The following SOX5 variants were observed in gnomAD, a reference collection of about 807,000 sequenced individuals.
SOX5 encodes SRY-box transcription factor 5, also known as transcription factor SOX-5.
Under a neutral mutation model 92.0 loss-of-function variants are expected in SOX5, and 9 were observed. That is an observed-to-expected ratio of 0.10 (90% confidence interval 0.06 to 0.17). The LOEUF is 0.17. SOX5 is among the 10% of genes least tolerant of loss of function. The probability of loss-of-function intolerance (pLI) is 1.00; values close to 1 mark genes in which losing one functional copy is unlikely to be tolerated. For missense variants in SOX5, 642 were observed against 944.5 expected, an observed-to-expected ratio of 0.68 and a Z score of 4.20; for synonymous variants, 344 against 336.3, an observed-to-expected ratio of 1.02 and a Z score of -0.25.
At chr12:23,704,994 A>C (rs956459868) in intron 6 of SOX5, among the ~76,000 whole-genome samples, 1 of 151,778 alleles carries the variant, frequency 6.6e-6, no homozygotes. Flanking sequence ...TTTTAGCTAC[A>C]TTTAATTTAC....
intron 1 of SOX5, among the ~76,000 whole-genome samples, chr12:24,399,627 A>C (rs1174477301): frequency 2.0e-5 from 3 of 152,234 alleles, no homozygotes; most frequent in Admixed American, 6.5e-5. Flanking sequence ...AGCTAAAAAA[A>C]CAATTGTTGA....
chr12:23,974,033 T>C lies in SOX5; in HGVS notation c.-1-78009A>G, dbSNP rs548186019. Among the ~76,000 whole-genome samples, 18 of 152,300 alleles carry C rather than the reference T, an allele frequency of 1.2e-4. No homozygotes were observed. The South Asian group carries it at 2.1e-3, about 18-fold the overall frequency. On this transcript the variant is annotated intron_variant, in intron 4 of 4. Transcript: ENST00000446891. ...CTGTTGCTGTATATGCTGTTTTTTT[T>C]CCTATACATATATACCTATGATAAA...
chr12:24,401,446 G>A (rs565894443), intron 1 of SOX5, among the ~76,000 whole-genome samples: 2 of 151,386 alleles, frequency 1.3e-5, no homozygotes, highest in South Asian at 2.1e-4. Flanking sequence ...TTGGTGGCTC[G>A]CACCTGTAAT....
At chr12:23,535,912 C>G (rs1388522854) in intron 14 of SOX5, among the ~76,000 whole-genome samples, 1 of 152,206 alleles carries the variant, frequency 6.6e-6, no homozygotes, top group African/African-American at 2.4e-5. Flanking sequence ...TGTAAAACAT[C>G]TCGGAGCTGC....
intron 9 of SOX5, among the ~76,000 whole-genome samples, chr12:23,596,075 C>T (rs1952380456): frequency 6.6e-6 from 1 of 152,190 alleles, no homozygotes; most frequent in Admixed American, 6.5e-5. Context: ...GGGCTTCCAA[C>T]TTAAGCTTAC....
chr12:24,525,302 G>A (rs1950601512), intron 1 of SOX5, among the ~76,000 whole-genome samples: 2 of 152,170 alleles, frequency 1.3e-5, no homozygotes, highest in Admixed American at 1.3e-4. Flanking sequence ...AATACTGCAT[G>A]AGTTCATGTA....
rs186425624 is a variant in SOX5, at chr12:23,776,021, A to C, written c.482-20297T>G. 2.2e-3 allele frequency among the ~76,000 whole-genome samples: 329 copies of C among 152,306 alleles called. 2 individuals are homozygous for C. The highest frequency in any genetic ancestry group is 3.4e-3 in the Non-Finnish European group (234 of 68,030). On this transcript the variant is annotated intron_variant, in intron 3 of 14. Coordinates refer to ENST00000451604, the MANE Select transcript of SOX5 (RefSeq NM_006940.6). ...CTTTACCTCAGATCACTAGGCATTA[A>C]TTAGACTCTCATAAGGAATTAAACT...
At chr12:23,653,061 T>C (rs2081869922) in intron 7 of SOX5, among the ~76,000 whole-genome samples, 1 of 151,550 alleles carries the variant, frequency 6.6e-6, no homozygotes, top group African/African-American at 2.4e-5. Context: ...GATGGATGGA[T>C]GGATGGATGG....
chr12:24,449,281 A>G (rs562655123), intron 1 of SOX5, among the ~76,000 whole-genome samples: 82 of 152,150 alleles, frequency 5.4e-4, no homozygotes, highest in African/African-American at 1.9e-3. Flanking sequence ...CAACTCTCCA[A>G]ACTCTTCTTA....
At chr12:24,435,249 A>G (rs1005191500) in intron 1 of SOX5, among the ~76,000 whole-genome samples, 13 of 152,362 alleles carry the variant, frequency 8.5e-5, no homozygotes, top group Admixed American at 2.6e-4. Context: ...GCATGAAGCT[A>G]GTAGAAAGGT....
intron 2 of SOX5, among the ~76,000 whole-genome samples, chr12:23,849,334 A>G (rs777780320): frequency 6.6e-6 from 1 of 152,214 alleles, no homozygotes; most frequent in Admixed American, 6.5e-5. Context: ...ATGATAGCAA[A>G]TATTTATTGA....
chr12:24,380,885 C>T (rs1412975189), intron 1 of SOX5, among the ~76,000 whole-genome samples: 2 of 152,180 alleles, frequency 1.3e-5, no homozygotes, highest in African/African-American at 4.8e-5. Flanking sequence ...TAACTGTATT[C>T]TGCAACAGTC....
intron 3 of SOX5, among the ~76,000 whole-genome samples, chr12:23,841,492 C>T (rs1237703843): frequency 2.0e-5 from 3 of 152,036 alleles, no homozygotes; most frequent in Non-Finnish European, 4.4e-5. Flanking sequence ...AAAAGCTGCA[C>T]ATGAGTATTA....
intron 1 of SOX5, among the ~76,000 whole-genome samples, chr12:23,898,143 A>G (rs2097196033): frequency 6.6e-6 from 1 of 152,204 alleles, no homozygotes; most frequent in Non-Finnish European, 1.5e-5. Flanking sequence ...TCATGTAAAG[A>G]GTTTGTGGAC....
At chr12:23,831,632 A>T (rs2096323624) in intron 3 of SOX5, among the ~76,000 whole-genome samples, 1 of 151,994 alleles carries the variant, frequency 6.6e-6, no homozygotes, top group Admixed American at 6.6e-5. Context: ...TAAAGTCCAT[A>T]CTAAAGGCAA....
At chr12:23,936,667 A>G (rs1942629281) in intron 1 of SOX5, among the ~76,000 whole-genome samples, 1 of 150,936 alleles carries the variant, frequency 6.6e-6, no homozygotes, top group African/African-American at 2.4e-5. Context: ...ACCATCCAAT[A>G]GAAATATGAG....
chr12:24,097,537 G>GTTT (rs34336040), intron 4 of SOX5, among the ~76,000 whole-genome samples: 1 of 146,696 alleles, frequency 6.8e-6, no homozygotes, highest in African/African-American at 2.5e-5. Context: ...TCCATTTGAA[G>GTTT]TTTTTTTTTT....
At chr12:23,665,656 T>C (rs1483484938) in intron 6 of SOX5, 92 bp from the exon 7 acceptor site, 10 of 1,421,088 alleles carry the variant, frequency 7.0e-6, no homozygotes, top group Non-Finnish European at 9.5e-6. Context: ...AAGAAAATCA[T>C]TTATTCAATT....
intron 1 of SOX5, among the ~76,000 whole-genome samples, chr12:23,930,004 C>G (rs1301063949): frequency 6.6e-6 from 1 of 151,876 alleles, no homozygotes; most frequent in Non-Finnish European, 1.5e-5. Flanking sequence ...CATCCTCATT[C>G]TGACCACACA....
Sources: allele counts gnomAD v4.1 joint callset (sites outside exome capture counted in the v4.1 genomes callset), GRCh38; gene constraint gnomAD v4.1.1; transcripts MANE v1.5; gene names NCBI Gene and HGNC (gene_info 2026-07-23, HGNC 2026-07-21).